The following TRPM3 variants were observed in gnomAD, a reference collection of about 807,000 sequenced individuals.
TRPM3 encodes the protein transient receptor potential cation channel subfamily M member 3.
Under a neutral mutation model 181.2 loss-of-function variants are expected in TRPM3, and 77 were observed. The ratio of observed to expected loss-of-function variants is 0.42; its 90% CI spans 0.35 to 0.51. The LOEUF (loss-of-function observed/expected upper bound fraction) is 0.51. Ranked by LOEUF, TRPM3 falls within the 20% of genes least tolerant of loss-of-function variation. The pLI, the probability that TRPM3 is intolerant of heterozygous loss-of-function variation, is 0.01. For missense variants in TRPM3, 1,759 were observed against 2,196.7 expected (o/e 0.80, Z 3.98); for synonymous variants, 745 against 796.4 (o/e 0.94, Z 1.09).
At chr9:71,422,876 C>G (rs1439824422) in intron 1 of TRPM3, among the ~76,000 whole-genome samples, 1 of 151,958 alleles carries the variant, frequency 6.6e-6, no homozygotes, top group African/African-American at 2.4e-5. Context: ...AGAATTATTT[C>G]TAAACTTTTG....
intron 1 of TRPM3, among the ~76,000 whole-genome samples, chr9:71,045,687 G>T (rs746356945): frequency 4.6e-5 from 7 of 152,186 alleles, no homozygotes; most frequent in Non-Finnish European, 7.3e-5. Flanking sequence ...TCCTAAAGGA[G>T]AGACTTGGGA....
intron 3 of TRPM3, among the ~76,000 whole-genome samples, chr9:70,854,507 T>C (rs941132635): frequency 2.0e-5 from 3 of 152,176 alleles, no homozygotes; most frequent in Non-Finnish European, 4.4e-5. Context: ...GTATAACAGG[T>C]CCAAGTAACT....
chr9:70,700,526 A>G (rs182921338), intron 8 of TRPM3, among the ~76,000 whole-genome samples: 29 of 152,328 alleles, frequency 1.9e-4, no homozygotes, highest in African/African-American at 7.0e-4. Flanking sequence ...TCTGGTTAGC[A>G]AAAAGACTGT....
At chr9:71,444,274 T>C (rs1359533212) in intron 1 of TRPM3, among the ~76,000 whole-genome samples, 1 of 151,740 alleles carries the variant, frequency 6.6e-6, no homozygotes, top group African/African-American at 2.4e-5. Context: ...GGAAGTGATT[T>C]CAAGAATCCA....
At chr9:70,820,920 ACTCTT>A (rs1248119068) in intron 6 of TRPM3, among the ~76,000 whole-genome samples, 2 of 151,952 alleles carry the variant, frequency 1.3e-5, no homozygotes, top group African/African-American at 4.8e-5. Flanking sequence ...CAAAAGTTAT[ACTCTT>A]CTCTTTAAAC....
Position 70,661,183 on chromosome 9 carries a change from A to G in TRPM3, c.1345+20323T>C, listed in dbSNP as rs1350966074. Among the ~76,000 whole-genome samples the G allele has an allele frequency of 2.6e-5, 4 of 152,196 alleles. No homozygotes were observed. The East Asian group carries it at 7.7e-4, about 29-fold the overall frequency. ...TATTACATAAACAGAATTAAAAACA[A>G]AAACCATATGATCATCTCAATAGAT... On this transcript the variant is annotated intron_variant, in intron 9 of 25. Transcript: ENST00000677713.
At chr9:70,600,347 C>T (rs1228873108) in intron 20 of TRPM3, among the ~76,000 whole-genome samples, 1 of 152,154 alleles carries the variant, frequency 6.6e-6, no homozygotes, top group Non-Finnish European at 1.5e-5. Context: ...CTATATCCAG[C>T]TATTTGTGTG....
At chr9:71,012,226 A>G (rs1027040754) in intron 1 of TRPM3, among the ~76,000 whole-genome samples, 1 of 152,212 alleles carries the variant, frequency 6.6e-6, no homozygotes, top group African/African-American at 2.4e-5. Context: ...TTCCCAACAT[A>G]ACTTATTAAA....
chr9:70,628,818 TAAAAA>T lies in TRPM3; in HGVS notation c.1633-3306_1633-3302del, dbSNP rs10699305. On this transcript the variant is annotated intron_variant, in intron 12 of 25. Transcript: ENST00000677713. ...TGGGCGACAGAGCAAGACTCTGTCT[TAAAAA>T]AAAAAAAAAAAAAAAAAAATTAAAA... Among the ~76,000 whole-genome samples the T allele has an allele frequency of 1.4e-3, 123 of 89,544 alleles. No individual in the cohort carries two copies. The East Asian group carries it at 0.049, about 36-fold the overall frequency. 58.7% of individuals were successfully genotyped at this position (89,544 alleles called of 152,430 possible).
intron 1 of TRPM3, among the ~76,000 whole-genome samples, chr9:71,005,462 A>T (rs2097663606): frequency 6.6e-6 from 1 of 152,156 alleles, no homozygotes; most frequent in Non-Finnish European, 1.5e-5. Flanking sequence ...CCCAAATAGG[A>T]ATTTTCCGAA....
intron 8 of TRPM3, among the ~76,000 whole-genome samples, chr9:70,753,763 T>C (rs1587865798): frequency 6.6e-6 from 1 of 150,916 alleles, no homozygotes. Flanking sequence ...GAGTGGGGAG[T>C]AGATTTTAAA....
At chr9:70,846,998 T>C (rs1015626109) in intron 3 of TRPM3, among the ~76,000 whole-genome samples, 5 of 152,166 alleles carry the variant, frequency 3.3e-5, no homozygotes, top group African/African-American at 1.2e-4. Flanking sequence ...GACCCTATTA[T>C]TTTAAGAGGA....
chr9:70,773,461 T>C (rs1564215170), intron 7 of TRPM3, among the ~76,000 whole-genome samples: 1 of 152,206 alleles, frequency 6.6e-6, no homozygotes, highest in African/African-American at 2.4e-5. Flanking sequence ...TTGAGCATGC[T>C]GCTGGGGAGA....
chr9:70,672,955 C>T (rs1284701178), intron 9 of TRPM3, among the ~76,000 whole-genome samples: 1 of 152,074 alleles, frequency 6.6e-6, no homozygotes, highest in Non-Finnish European at 1.5e-5. Context: ...CCCCCAGAAG[C>T]ACAGGTGCAA....
chr9:70,996,192 C>G (rs1281717612), intron 1 of TRPM3, among the ~76,000 whole-genome samples: 1 of 152,170 alleles, frequency 6.6e-6, no homozygotes, highest in Admixed American at 6.5e-5. Flanking sequence ...AAACCGAACA[C>G]ATATTTATAG....
intron 9 of TRPM3, among the ~76,000 whole-genome samples, chr9:70,675,066 G>A (rs1184406997): frequency 1.3e-5 from 2 of 151,682 alleles, no homozygotes; most frequent in Non-Finnish European, 2.9e-5. Context: ...TATTCTTTTT[G>A]CATTTCAATT....
intron 1 of TRPM3, among the ~76,000 whole-genome samples, chr9:71,409,956 A>T (rs545192934): frequency 2.0e-4 from 31 of 152,292 alleles, no homozygotes; most frequent in African/African-American, 6.7e-4. Context: ...TAAAAAACTC[A>T]CTCAAAACTG....
intron 6 of TRPM3, among the ~76,000 whole-genome samples, chr9:70,818,590 T>C (rs751628903): frequency 1.3e-5 from 2 of 152,186 alleles, no homozygotes; most frequent in Non-Finnish European, 2.9e-5. Context: ...CTGAAACATA[T>C]AAAGCAGTGG....
In TRPM3 at chr9:71,121,216, A is replaced by G. The variant is rs2073586572; in HGVS notation, c.139T>C (p.Cys47Arg). 1 of 1,613,968 alleles carries G rather than the reference A, an allele frequency of 6.2e-7. No individual in the cohort carries two copies. The highest frequency in any genetic ancestry group is 1.3e-5 in the African/African-American group (1 of 74,944). ...ACAGATGGAAGAAAGGCTGCGTGGC[A>G]CAGCTTCCGGATGGTCCAGTTTAGG... ...RPLNWTIRKL[C>R]HAAFLPSVRL... The change falls in exon 1 of 26, where the codon TGC becomes CGC. Residue 47 changes from cysteine (C) to arginine (R), a missense_variant. Cys to Arg is a radical substitution (Grantham distance 180, BLOSUM62 -3). Around this residue, in one of 8 missense-constraint regions of TRPM3, gnomAD observed 737 missense variants for 957.4 expected, o/e 0.77. Coordinates refer to ENST00000677713, the MANE Select transcript of TRPM3 (RefSeq NM_001366145.2).
Sources: allele counts gnomAD v4.1 joint callset (sites outside exome capture counted in the v4.1 genomes callset), GRCh38; gene constraint gnomAD v4.1.1; regional missense constraint gnomAD v4.1.1; transcripts MANE v1.5; gene names NCBI Gene and HGNC (gene_info 2026-07-23, HGNC 2026-07-21).